POU2AF3: variants seen among roughly 807,000 people sequenced by gnomAD.
POU2AF3 encodes the protein cancer susceptibility candidate 13.
At chr11:111,305,096 C>T in the POU2AF3 span, 12 of 544,344 alleles carry the variant, frequency 2.2e-5, no homozygotes, top group African/African-American at 2.3e-4. Context: ...AATTGGAATC[C>T]AACCAATCAG....
At chr11:111,302,539 C>A in the POU2AF3 span, among the ~76,000 whole-genome samples, 3 of 152,132 alleles carry the variant, frequency 2.0e-5, no homozygotes, top group African/African-American at 7.2e-5. Flanking sequence ...CTTCTTAGCT[C>A]GCTACAGGAG....
chr11:111,305,162 A>G, the POU2AF3 span: 1 of 397,886 alleles, frequency 2.5e-6, no homozygotes, highest in Non-Finnish European at 4.4e-6. Context: ...AACAAGCATA[A>G]ATGTTGTCTT....
the POU2AF3 span, chr11:111,298,578 C>A: frequency 8.0e-7 from 1 of 1,246,630 alleles, no homozygotes; most frequent in African/African-American, 1.5e-5. Context: ...TCCTGCTGAC[C>A]ACGATGTCGG....
chr11:111,308,240 C>A, the POU2AF3 span: 1 of 1,551,828 alleles, frequency 6.4e-7, no homozygotes, highest in Non-Finnish European at 8.7e-7. Context: ...CTTGTCCTCA[C>A]ACGCCCAGTA....
chr11:111,298,826 G>GGGGGGGGGGGGGCCC, the POU2AF3 span: 8 of 790,962 alleles, frequency 1.0e-5, no homozygotes, highest in Non-Finnish European at 1.2e-5. Context: ...CGTACCCCAG[G>GGGGGGGGGGGGGCCC]CCCCCGCCCG....
the POU2AF3 span, among the ~76,000 whole-genome samples, chr11:111,305,511 A>C: frequency 6.6e-6 from 1 of 152,240 alleles, no homozygotes; most frequent in African/African-American, 2.4e-5. Flanking sequence ...CTAAGAGTTT[A>C]AGGAGGTCGT....
At chr11:111,299,411 C>T in the POU2AF3 span, 2 of 1,011,862 alleles carry the variant, frequency 2.0e-6, no homozygotes, top group African/African-American at 3.4e-5. Context: ...TCGCCCGGCT[C>T]GGCTTGGCCT....
At chr11:111,299,582 G>A in the POU2AF3 span, 3 of 1,217,862 alleles carry the variant, frequency 2.5e-6, no homozygotes, top group Non-Finnish European at 3.1e-6. Flanking sequence ...CCAGCCCCGG[G>A]GCGGCCCCTA....
At chr11:111,307,472 CCA>C in the POU2AF3 span, among the ~76,000 whole-genome samples, 3 of 152,066 alleles carry the variant, frequency 2.0e-5, no homozygotes. Flanking sequence ...ATATGGGGCC[CCA>C]GTGACCCAGT....
At chr11:111,304,018 G>T in the POU2AF3 span, among the ~76,000 whole-genome samples, 3 of 152,070 alleles carry the variant, frequency 2.0e-5, no homozygotes, top group Non-Finnish European at 2.9e-5. Context: ...AAATACAGTA[G>T]TTTAAATAAA....
the POU2AF3 span, chr11:111,299,883 T>C: frequency 2.4e-5 from 12 of 498,314 alleles, no homozygotes; most frequent in Non-Finnish European, 3.8e-5. Flanking sequence ...GCCTGGCCCC[T>C]TTACTAGGTC....
chr11:111,299,891 G>A, the POU2AF3 span: 4,687 of 477,620 alleles, frequency 9.8e-3, 29 homozygotes, highest in Non-Finnish European at 0.013. Flanking sequence ...CCTTTACTAG[G>A]TCAGTCTGGC....
the POU2AF3 span, among the ~76,000 whole-genome samples, chr11:111,303,260 C>G: frequency 1.2e-5 from 1 of 86,878 alleles, no homozygotes; most frequent in South Asian, 7.0e-4. Context: ...CACACACAGA[C>G]ACACACACAC....
At chr11:111,299,307 G>T in the POU2AF3 span, 2 of 987,238 alleles carry the variant, frequency 2.0e-6, no homozygotes, top group Non-Finnish European at 2.4e-6. Flanking sequence ...CGCACCCAGC[G>T]CACTTCCCGG....
the POU2AF3 span, chr11:111,299,755 GGAGC>G: frequency 8.2e-7 from 1 of 1,223,960 alleles, no homozygotes; most frequent in Admixed American, 4.2e-5. Flanking sequence ...GGGGAGAGTA[GGAGC>G]GGGGGCGAAG....
the POU2AF3 span, among the ~76,000 whole-genome samples, chr11:111,302,129 G>T: frequency 6.6e-6 from 1 of 152,188 alleles, no homozygotes; most frequent in Admixed American, 6.5e-5. Context: ...TCAGAGATCT[G>T]TACCTCGATT....
At chr11:111,303,980 G>A in the POU2AF3 span, among the ~76,000 whole-genome samples, 75 of 151,068 alleles carry the variant, frequency 5.0e-4, 1 homozygote, top group African/African-American at 1.6e-3. Flanking sequence ...TAGTTAAAAA[G>A]AGCAGTCTCA....
the POU2AF3 span, chr11:111,298,883 C>G: frequency 8.7e-7 from 1 of 1,145,336 alleles, no homozygotes; most frequent in Non-Finnish European, 1.1e-6. Context: ...CGGTGCGGAC[C>G]CTGCGCGCCC....
the POU2AF3 span, chr11:111,308,347 G>T: frequency 1.3e-6 from 2 of 1,551,690 alleles, no homozygotes; most frequent in South Asian, 2.4e-5. Flanking sequence ...ACTTCTACCC[G>T]AGCACAGACT....
Sources: allele counts gnomAD v4.1 joint callset (sites outside exome capture counted in the v4.1 genomes callset), GRCh38; gene constraint gnomAD v4.1.1; transcripts MANE v1.5; gene names NCBI Gene and HGNC (gene_info 2026-07-23, HGNC 2026-07-21).